PCDHGB2: variants seen among roughly 807,000 people sequenced by gnomAD.
PCDHGB2 encodes the protein protocadherin gamma subfamily B, 2.
Under a neutral mutation model 59.3 loss-of-function variants are expected in PCDHGB2, and 55 were observed. That is an observed-to-expected ratio of 0.93 (90% CI 0.75 to 1.16). PCDHGB2 has a LOEUF of 1.16. PCDHGB2 is among the 50% of genes most tolerant of loss of function. The pLI is 0.00. For missense variants in PCDHGB2, 1,228 were observed against 1,198.5 expected (o/e 1.02, Z -0.36); for synonymous variants, 516 against 512.0 (o/e 1.01, Z -0.11).
chr5:141,497,396 C>T (rs2099776233), intron 2 of PCDHGB2, among the ~76,000 whole-genome samples: 1 of 152,116 alleles, frequency 6.6e-6, no homozygotes, highest in Middle Eastern at 3.2e-3. Flanking sequence ...CTTACCCCTG[C>T]CTCAACTCCC....
Position 141,432,979 on chromosome 5 carries a change from TGTGGGC to T in PCDHGB2, c.2422-61823_2422-61818del. 1 of 1,614,228 alleles carries T rather than the reference TGTGGGC, an allele frequency of 6.2e-7. No individual in the cohort carries two copies. On this transcript the variant is annotated intron_variant, in intron 1 of 3. Coordinates refer to ENST00000522605, the MANE Select transcript of PCDHGB2 (RefSeq NM_018923.3). The surrounding 1 kb of genome is among the most constrained non-coding windows in gnomAD (Gnocchi z 6.0). ...TGACAGGAGCGCCGGCGTCGCACTTTGTGGGCGTGGACGGGGTGCAGGCTTTCCTGC... is the reference window on the plus strand; with the variant it reads ...TGACAGGAGCGCCGGCGTCGCACTTTGTGGACGGGGTGCAGGCTTTCCTGC...
intron 1 of PCDHGB2, among the ~76,000 whole-genome samples, chr5:141,484,764 A>G (rs1469048336): frequency 6.6e-6 from 1 of 151,806 alleles, no homozygotes; most frequent in African/African-American, 2.4e-5. Flanking sequence ...ATATATATAT[A>G]TGTTGTCTGC....
chr5:141,434,261 G>A (rs1269166732), intron 1 of PCDHGB2, among the ~76,000 whole-genome samples: 2 of 152,194 alleles, frequency 1.3e-5, no homozygotes. Context: ...TTGTGGGGGA[G>A]GTGGAAATTA....
Position 141,399,283 on chromosome 5 carries a change from G to T in PCDHGB2, c.2421+36727G>T, listed in dbSNP as rs533695738. ...GGTTAATTGTCAATTACAAGGCGAA[G>T]TCCCTTTTAAGATTATCTCTTCATC... On this transcript the variant is annotated intron_variant, in intron 1 of 3. Coordinates refer to ENST00000522605, the MANE Select transcript of PCDHGB2 (RefSeq NM_018923.3). The T allele has an allele frequency of 5.0e-6, 8 of 1,613,888 alleles. No individual in the cohort carries two copies. The South Asian group carries it at 7.7e-5, about 16-fold the overall frequency.
intron 1 of PCDHGB2, among the ~76,000 whole-genome samples, chr5:141,462,160 A>T (rs575238638): frequency 4.6e-5 from 7 of 152,122 alleles, no homozygotes; most frequent in Non-Finnish European, 1.0e-4. Flanking sequence ...GGGTTTCATC[A>T]TGTTGGCCAG....
chr5:141,370,266 G>A, intron 1 of PCDHGB2: 2 of 765,958 alleles, frequency 2.6e-6, no homozygotes, highest in Non-Finnish European at 4.1e-6. Flanking sequence ...GCTTCCTGCA[G>A]CGGAGACACC....
At chr5:141,389,391 G>C (rs544096177) in intron 1 of PCDHGB2, 9 of 1,613,686 alleles carry the variant, frequency 5.6e-6, no homozygotes, top group African/African-American at 1.3e-5. Context: ...GTCATCCTAC[G>C]TGTCCATAAG....
intron 1 of PCDHGB2, among the ~76,000 whole-genome samples, chr5:141,481,153 A>G (rs1376488411): frequency 2.0e-5 from 3 of 152,224 alleles, no homozygotes; most frequent in Non-Finnish European, 4.4e-5. Context: ...TTATTCTGGT[A>G]TTTGCAGAAC....
intron 1 of PCDHGB2, chr5:141,376,202 T>C: frequency 3.7e-6 from 6 of 1,614,174 alleles, no homozygotes; most frequent in Non-Finnish European, 4.2e-6. Context: ...CTTCCTGGCC[T>C]TCGTCATCGT....
intron 1 of PCDHGB2, chr5:141,383,873 C>A: frequency 6.2e-7 from 1 of 1,613,928 alleles, no homozygotes; most frequent in Non-Finnish European, 8.5e-7. Flanking sequence ...CAAGATGGTC[C>A]TGGTAGTCTG....
At chr5:141,467,114 G>A (rs971182917) in intron 1 of PCDHGB2, among the ~76,000 whole-genome samples, 5 of 149,522 alleles carry the variant, frequency 3.3e-5, no homozygotes, top group South Asian at 2.1e-4. Context: ...GTACAATGGT[G>A]CAATCTCAGC....
At chr5:141,458,438 CCCA>C (rs1221646653) in intron 1 of PCDHGB2, among the ~76,000 whole-genome samples, 3 of 152,024 alleles carry the variant, frequency 2.0e-5, no homozygotes, top group African/African-American at 7.2e-5. Context: ...GAGGAGGTCC[CCCA>C]CATTAACAAT....
chr5:141,394,925 C>T (rs771405918), intron 1 of PCDHGB2: 9 of 1,613,696 alleles, frequency 5.6e-6, no homozygotes, highest in South Asian at 1.1e-5. Context: ...CCTGTGTCTT[C>T]CTCGCCTTTG....
intron 1 of PCDHGB2, chr5:141,375,317 C>T: frequency 1.2e-6 from 2 of 1,613,790 alleles, no homozygotes; most frequent in Non-Finnish European, 8.5e-7. Flanking sequence ...AGCTCTAGAC[C>T]GGGAAGAGGT....
At chr5:141,421,618 G>T (rs748399893) in intron 1 of PCDHGB2, 1 of 1,613,766 alleles carries the variant, frequency 6.2e-7, no homozygotes, top group Non-Finnish European at 8.5e-7. Flanking sequence ...TAATGATAAC[G>T]CCCCCAGCTT....
At position 141,414,031 on chromosome 5, in the gene PCDHGB2, C is replaced by G. The variant is rs900884760; in HGVS notation, c.2421+51475C>G. The G allele has an allele frequency of 1.2e-6, 2 of 1,611,740 alleles. No homozygotes were observed. The highest frequency in any genetic ancestry group is 2.7e-5 in the African/African-American group (2 of 74,762). On this transcript the variant is annotated intron_variant, in intron 1 of 3. Coordinates refer to ENST00000522605, the MANE Select transcript of PCDHGB2 (RefSeq NM_018923.3). ...CAATGGAGAAGTGACATATTCATTC[C>G]GAAAATTACCTGACACGCAATTGTT... is the stretch of plus-strand genomic sequence containing the variant.
Position 141,384,414 on chromosome 5 carries a change from C to T in PCDHGB2, c.2421+21858C>T, listed in dbSNP as rs1159996307. 5 of 1,613,838 alleles carry T rather than the reference C, an allele frequency of 3.1e-6. No individual in the cohort carries two copies. In the East Asian group the frequency reaches 8.9e-5, roughly 29 times the overall value. ...AGGGGGCTCCAGTGTCCTCCTATGT[C>T]TCCATAAACTCTGACACTGGAGTCC... On this transcript the variant is annotated intron_variant, in intron 1 of 3. Coordinates refer to ENST00000522605, the MANE Select transcript of PCDHGB2 (RefSeq NM_018923.3).
At position 141,361,753 on chromosome 5, in the gene PCDHGB2, C is replaced by T. The variant is rs867300668; in HGVS notation, c.1618C>T (p.Pro540Ser). ...LTLQARDQGS[P>S]ALSANVSLRV... Reference sequence around the variant, plus strand: ...ACTGCAGGCCCGCGACCAGGGCTCGCCCGCGCTCAGCGCCAACGTGAGCCT... The same window carrying T: ...ACTGCAGGCCCGCGACCAGGGCTCGTCCGCGCTCAGCGCCAACGTGAGCCT... The change falls in exon 1 of 4, where the codon CCC (proline) becomes TCC (serine). Residue 540 changes from proline (P) to serine (S), a missense_variant. Around this residue, in one of 3 missense-constraint regions of PCDHGB2, gnomAD observed 781 missense variants for 721.6 expected, o/e 1.08. Transcript: ENST00000522605. 3.7e-6 allele frequency: 6 copies of T among 1,613,058 alleles called. No individual in the cohort carries two copies. The East Asian group carries it at 1.3e-4, about 36-fold the overall frequency.
At chr5:141,482,768 CTGA>C (rs2099572195) in intron 1 of PCDHGB2, among the ~76,000 whole-genome samples, 1 of 126,868 alleles carries the variant, frequency 7.9e-6, no homozygotes, top group Admixed American at 7.7e-5. Flanking sequence ...TTCATTATCA[CTGA>C]ACCTTAAACT....
Sources: allele counts gnomAD v4.1 joint callset (sites outside exome capture counted in the v4.1 genomes callset), GRCh38; gene constraint gnomAD v4.1.1; regional missense constraint gnomAD v4.1.1; non-coding constraint Gnocchi (gnomAD v3.1); transcripts MANE v1.5; gene names NCBI Gene and HGNC (gene_info 2026-07-23, HGNC 2026-07-21).